The following CRB1 variants were observed in gnomAD, a reference collection of about 807,000 sequenced individuals.
CRB1 encodes the protein crumbs cell polarity complex component 1, also known as protein crumbs homolog 1.
CRB1 carries 83 observed loss-of-function variants against 120.0 expected under a neutral mutation model. The ratio of observed to expected loss-of-function variants is 0.69; its 90% CI spans 0.58 to 0.83. The LOEUF (loss-of-function observed/expected upper bound fraction) is 0.83. Ranked by LOEUF, CRB1 falls within the 40% of genes least tolerant of loss-of-function variation. CRB1 has a pLI of 0.00. For missense variants in CRB1, 1,699 were observed against 1,687.6 expected, an observed-to-expected ratio of 1.01 and a Z score of -0.12; for synonymous variants, 625 against 612.5, an observed-to-expected ratio of 1.02 and a Z score of -0.30.
chr1:197,450,301 C>T (rs1289601596), intron 11 of CRB1, among the ~76,000 whole-genome samples: 4 of 152,212 alleles, frequency 2.6e-5, no homozygotes, highest in South Asian at 2.1e-4. Flanking sequence ...CTTCTGATTT[C>T]TGCACTGACC....
the CRB1 span, among the ~76,000 whole-genome samples, chr1:197,235,837 G>C: frequency 2.6e-3 from 401 of 152,214 alleles, 2 homozygotes; most frequent in Non-Finnish European, 4.5e-3. Flanking sequence ...ATGATCCAAG[G>C]ATCATTTTGA....
Position 197,412,621 on chromosome 1 carries a change from G to C in CRB1, c.1172-8379G>C, listed in dbSNP as rs537212929. ...CTCCTTCTTACACCACCTTCACCCT[G>C]TAGCCCCCAATAGATACATTTCCTC... is the stretch of plus-strand genomic sequence containing the variant. On this transcript the variant is annotated intron_variant, in intron 5 of 11. Transcript: ENST00000367400. 2.0e-5 allele frequency among the ~76,000 whole-genome samples: 3 copies of C among 152,224 alleles called. No individual in the cohort carries two copies. In the South Asian group the frequency reaches 6.2e-4, roughly 32 times the overall value.
intron 2 of CRB1, among the ~76,000 whole-genome samples, chr1:197,339,322 A>T (rs540830893): frequency 6.6e-6 from 1 of 152,314 alleles, no homozygotes; most frequent in Admixed American, 6.5e-5. Flanking sequence ...TAAATCTATC[A>T]CTATAATGAA....
chr1:197,337,147 G>T lies in CRB1; in HGVS notation c.653-7134G>T, dbSNP rs113303072. Among the ~76,000 whole-genome samples the T allele has an allele frequency of 9.6e-3, 1,466 of 152,212 alleles. 23 individuals carry two copies. Among genetic ancestry groups the T allele is most frequent in the South Asian group, 0.043 (205 of 4,820 alleles). On this transcript the variant is annotated intron_variant, in intron 2 of 11. Transcript: ENST00000367400. ...GGAAGCTCTCATAAATAGGCTATGT[G>T]CCCTTATAAAAGAGGTCCAAGAGAG...
At chr1:197,332,056 C>G (rs1658888580) in intron 2 of CRB1, among the ~76,000 whole-genome samples, 1 of 152,020 alleles carries the variant, frequency 6.6e-6, no homozygotes, top group African/African-American at 2.4e-5. Flanking sequence ...AGGAGAATTG[C>G]TTGAATTGGG....
intron 4 of CRB1, among the ~76,000 whole-genome samples, chr1:197,354,973 G>C (rs1007969192): frequency 4.0e-5 from 6 of 150,328 alleles, no homozygotes; most frequent in African/African-American, 1.5e-4. Flanking sequence ...TTCAAACCTC[G>C]AGCTAGACAC....
intron 2 of CRB1, among the ~76,000 whole-genome samples, chr1:197,333,721 T>C (rs1416397213): frequency 6.6e-6 from 1 of 152,222 alleles, no homozygotes; most frequent in African/African-American, 2.4e-5. Flanking sequence ...ATTCATCATA[T>C]AGTGAAGGAA....
chr1:197,370,905 C>G (rs1661335769), intron 5 of CRB1, among the ~76,000 whole-genome samples: 1 of 152,168 alleles, frequency 6.6e-6, no homozygotes, highest in Admixed American at 6.6e-5. Context: ...TATTTGAAAT[C>G]CTTATTTCCA....
In CRB1 at chr1:197,372,883, C is replaced by T. The variant is rs138453477; in HGVS notation, c.1171+15870C>T. 3.2e-4 allele frequency among the ~76,000 whole-genome samples: 49 copies of T among 152,184 alleles called. 1 individual carries two copies. The highest frequency in any genetic ancestry group is 1.2e-3 in the African/African-American group (48 of 41,524). ...AAGACTTTTGGTGTTTTTATAACACCTGGACAGGGATGACAAATCCTGTAG... is the reference window on the plus strand; with the variant it reads ...AAGACTTTTGGTGTTTTTATAACACTTGGACAGGGATGACAAATCCTGTAG... On this transcript the variant is annotated intron_variant, in intron 5 of 11. Transcript: ENST00000367400.
Position 197,328,881 on chromosome 1 carries a change from G to T in CRB1, c.530G>T (p.Gly177Val), listed in dbSNP as rs1470882694. 1 of 1,614,220 alleles carries T rather than the reference G, an allele frequency of 6.2e-7. No individual in the cohort carries two copies. Among genetic ancestry groups the T allele is most frequent in the Admixed American group, 1.7e-5 (1 of 60,028 alleles). The change falls in exon 2 of 12, where the codon GGA becomes GTA. Residue 177 changes from glycine to valine, a missense_variant. Coordinates refer to ENST00000367400, the MANE Select transcript of CRB1 (RefSeq NM_201253.3). ...GGTTACTCCTGCTTCTGTGTCCCAGGATATCAAGGCAGACACTGCGACTTG... is the reference window on the plus strand; with the variant it reads ...GGTTACTCCTGCTTCTGTGTCCCAGTATATCAAGGCAGACACTGCGACTTG... Reference protein sequence around the residue: ...IDGYSCFCVPGYQGRHCDLEV... With the variant: ...IDGYSCFCVPVYQGRHCDLEV...
At chr1:197,202,079 C>T in the CRB1 span, among the ~76,000 whole-genome samples, 1 of 152,090 alleles carries the variant, frequency 6.6e-6, no homozygotes, top group African/African-American at 2.4e-5. Context: ...TGTGATTTTA[C>T]AGGCATAAGG....
At chr1:197,366,929 T>G (rs1661110420) in intron 5 of CRB1, among the ~76,000 whole-genome samples, 1 of 152,180 alleles carries the variant, frequency 6.6e-6, no homozygotes, top group African/African-American at 2.4e-5. Flanking sequence ...AAAAAAAAAT[T>G]TGGCAAAATA....
intron 7 of CRB1, chr1:197,429,238 T>C: frequency 1.4e-6 from 2 of 1,414,690 alleles, no homozygotes; most frequent in Non-Finnish European, 1.9e-6. Flanking sequence ...ATCTTTTCTC[T>C]CTCTCTGCCA....
At chr1:197,422,103 AAAG>A in intron 6 of CRB1, 147 bp downstream of exon 6, 1 of 699,588 alleles carries the variant, frequency 1.4e-6, no homozygotes, top group Non-Finnish European at 2.4e-6. Flanking sequence ...ATGAGAAAGA[AAAG>A]AAGAGGGCAG....
rs1667269082 is a variant in CRB1, at chr1:197,477,856, C to T, written c.4198C>T (p.Pro1400Ser). Reference protein sequence around the residue: ...RVEMWNLMPPPAMERLI With the variant: ...RVEMWNLMPPSAMERLI The stretch of plus-strand genomic sequence containing the variant: ...GGAAATGTGGAACTTGATGCCACCC[C>T]CTGCAATGGAGAGACTGATTTAGGA... Residue 1400 changes from proline to serine, a missense_variant, in exon 12 of 12, where the codon CCT becomes TCT. Physicochemically the swap from Pro to Ser is moderately conservative, Grantham distance 74. Transcript: ENST00000367400. The T allele has an allele frequency of 1.2e-6, 2 of 1,613,786 alleles. No individual in the cohort carries two copies. Among genetic ancestry groups the T allele is most frequent in the Non-Finnish European group, 1.7e-6 (2 of 1,179,842 alleles).
chr1:197,351,670 G>A (rs1048925762), intron 4 of CRB1, among the ~76,000 whole-genome samples: 1 of 152,132 alleles, frequency 6.6e-6, no homozygotes, highest in African/African-American at 2.4e-5. Context: ...TTCCTAGGTA[G>A]TTTGAAGAGA....
intron 1 of CRB1, among the ~76,000 whole-genome samples, chr1:197,303,083 C>G (rs116664999): frequency 0.016 from 2,469 of 151,924 alleles, 72 homozygotes; most frequent in African/African-American, 0.057. Context: ...AAGACCCAGG[C>G]TCAAATTAAG....
intron 5 of CRB1, chr1:197,413,791 G>A (rs1281352318): frequency 2.7e-6 from 1 of 372,436 alleles, no homozygotes; most frequent in Non-Finnish European, 5.4e-6. Flanking sequence ...CAGCTTGGAG[G>A]GAAATGAGTC....
intron 2 of CRB1, among the ~76,000 whole-genome samples, chr1:197,333,279 G>C (rs2125311805): frequency 6.6e-6 from 1 of 152,310 alleles, no homozygotes; most frequent in Admixed American, 6.5e-5. Flanking sequence ...TGGTCTCAGA[G>C]AGAGCCACTG....
Sources: allele counts gnomAD v4.1 joint callset (sites outside exome capture counted in the v4.1 genomes callset), GRCh38; gene constraint gnomAD v4.1.1; transcripts MANE v1.5; gene names NCBI Gene and HGNC (gene_info 2026-07-23, HGNC 2026-07-21).